HSD17B12: variants seen among roughly 807,000 people sequenced by gnomAD.
HSD17B12 encodes the protein very-long-chain 3-oxoacyl-CoA reductase.
In HSD17B12, 32 loss-of-function variants were observed where a neutral mutation model predicts 39.3. The ratio of observed to expected loss-of-function variants is 0.81; its 90% CI spans 0.61 to 1.09. The LOEUF is 1.09. HSD17B12 is among the 50% of genes least tolerant of loss of function. HSD17B12 has a pLI of 0.00. For synonymous variants in HSD17B12, 150 were observed against 146.7 expected (o/e 1.02, Z -0.16); for missense variants, 342 against 382.9 (o/e 0.89, Z 0.89).
chr11:43,771,759 G>A (rs890285093), intron 3 of HSD17B12, among the ~76,000 whole-genome samples: 8 of 152,032 alleles, frequency 5.3e-5, no homozygotes, highest in African/African-American at 9.7e-5. Flanking sequence ...GAGCCACTGC[G>A]CCTGGCCTCA....
At position 43,826,752 on chromosome 11, in the gene HSD17B12, CTAAGAA is replaced by C. The variant is rs140099311; in HGVS notation, c.502-4222_502-4217del. 3.9e-3 allele frequency among the ~76,000 whole-genome samples: 593 copies of C among 152,284 alleles called. 6 individuals carry two copies. The East Asian group carries it at 0.044, about 11-fold the overall frequency. On this transcript the variant is annotated intron_variant, in intron 6 of 10. Coordinates refer to ENST00000278353, the MANE Select transcript of HSD17B12 (RefSeq NM_016142.3). ...TTCTATTAGCTATACAGGTGAGATT[CTAAGAA>C]TTTCTAATTAAGTTGTGTTCTTTTT...
At chr11:43,652,844 G>C in the HSD17B12 span, among the ~76,000 whole-genome samples, 1 of 152,072 alleles carries the variant, frequency 6.6e-6, no homozygotes, top group African/African-American at 2.4e-5. Context: ...GGTTAGGCAT[G>C]ATGAGGACTG....
the HSD17B12 span, among the ~76,000 whole-genome samples, chr11:43,579,911 G>A: frequency 6.6e-6 from 1 of 152,116 alleles, no homozygotes; most frequent in African/African-American, 2.4e-5. Flanking sequence ...GTCGATTCCA[G>A]GGTGCCAAAG....
the HSD17B12 span, among the ~76,000 whole-genome samples, chr11:43,671,772 G>A: frequency 2.0e-5 from 3 of 152,206 alleles, no homozygotes; most frequent in African/African-American, 7.2e-5. Context: ...ACTTAGAAAT[G>A]TCAGTGAAAA....
chr11:43,628,572 C>G, the HSD17B12 span, among the ~76,000 whole-genome samples: 136 of 152,006 alleles, frequency 8.9e-4, no homozygotes, highest in African/African-American at 3.1e-3. Context: ...TGCATTATAG[C>G]CATGGCTAAA....
chr11:43,642,947 G>A, the HSD17B12 span, among the ~76,000 whole-genome samples: 28 of 151,838 alleles, frequency 1.8e-4, no homozygotes, highest in Admixed American at 5.9e-4. Flanking sequence ...ATATAATTTC[G>A]TAGAGTCTTA....
At chr11:43,755,086 G>A (rs1950497350) in intron 3 of HSD17B12, 1 of 393,712 alleles carries the variant, frequency 2.5e-6, no homozygotes, top group Admixed American at 4.5e-5. Context: ...CTTATTAAGA[G>A]TCAATTTGTG....
chr11:43,776,055 A>G (rs1950700128), intron 3 of HSD17B12, among the ~76,000 whole-genome samples: 5 of 152,294 alleles, frequency 3.3e-5, no homozygotes, highest in African/African-American at 1.2e-4. Flanking sequence ...GAATAATGAC[A>G]CAATAAACAT....
chr11:43,614,543 G>A, the HSD17B12 span, among the ~76,000 whole-genome samples: 2 of 152,150 alleles, frequency 1.3e-5, no homozygotes, highest in East Asian at 3.9e-4. Flanking sequence ...TGTTTCTTAA[G>A]GTTTGTAAGT....
intron 9 of HSD17B12, among the ~76,000 whole-genome samples, chr11:43,842,460 G>A (rs1951435850): frequency 6.6e-6 from 1 of 152,190 alleles, no homozygotes; most frequent in Non-Finnish European, 1.5e-5. Context: ...CTTCCCATAT[G>A]TATAGGTTTC....
intron 3 of HSD17B12, among the ~76,000 whole-genome samples, chr11:43,789,744 T>G (rs1004993769): frequency 9.2e-5 from 14 of 151,896 alleles, no homozygotes; most frequent in Non-Finnish European, 2.1e-4. Context: ...AGCCCAGGAG[T>G]TTGAGACCAG....
Position 43,855,589 on chromosome 11 carries a change from A to C in HSD17B12, c.*341A>C. ...ACTTGGCAGTTTTATCTGCTTCAAAATGCCATTGATCATTATTCCTGTATT... is the reference window on the plus strand; with the variant it reads ...ACTTGGCAGTTTTATCTGCTTCAAACTGCCATTGATCATTATTCCTGTATT... On this transcript the variant is annotated 3_prime_UTR_variant, in exon 11 of 11. Transcript: ENST00000278353. 1 of 156,312 alleles carries C rather than the reference A, an allele frequency of 6.4e-6. No individual in the cohort carries two copies. Among genetic ancestry groups the C allele is most frequent in the Non-Finnish European group, 1.4e-5 (1 of 70,888 alleles). The allele number at this position is 156,312 out of a possible 1,614,324, so 9.7% of individuals were successfully genotyped here. A position where few individuals can be genotyped will look rare whatever the true frequency, so the allele number is the denominator to read the frequency against.
intron 2 of HSD17B12, among the ~76,000 whole-genome samples, chr11:43,751,849 C>T (rs1457245902): frequency 6.6e-6 from 1 of 152,162 alleles, no homozygotes; most frequent in East Asian, 1.9e-4. Flanking sequence ...GATGAATCTT[C>T]TAAGAGCTAA....
At chr11:43,684,831 G>A (rs1053665243) in intron 1 of HSD17B12, among the ~76,000 whole-genome samples, 3 of 152,098 alleles carry the variant, frequency 2.0e-5, no homozygotes, top group African/African-American at 7.2e-5. Context: ...TAAAAGAAAT[G>A]CTGTACCCAT....
At chr11:43,680,138 C>T (rs1949726601), upstream of HSD17B12, among the ~76,000 whole-genome samples, 1 of 144,382 alleles carries the variant, frequency 6.9e-6, no homozygotes, top group Admixed American at 7.1e-5. Context: ...TGCAGTGGCG[C>T]GATCTCGGCT....
At chr11:43,620,316 T>C in the HSD17B12 span, among the ~76,000 whole-genome samples, 1 of 152,162 alleles carries the variant, frequency 6.6e-6, no homozygotes, top group Middle Eastern at 3.2e-3. Context: ...AAACTGAGGC[T>C]CAGAAAGACT....
At chr11:43,583,895 G>C in the HSD17B12 span, among the ~76,000 whole-genome samples, 2 of 152,130 alleles carry the variant, frequency 1.3e-5, no homozygotes, top group African/African-American at 4.8e-5. Context: ...TCGGAAGGCA[G>C]CTGGGGAAAC....
chr11:43,581,376 G>T, the HSD17B12 span: 1 of 500,518 alleles, frequency 2.0e-6, no homozygotes, highest in Non-Finnish European at 4.1e-6. The surrounding 1 kb of genome is among the most constrained non-coding windows in gnomAD (Gnocchi z 4.9). Flanking sequence ...GCGGCGAACC[G>T]AAGAAGCCGG....
intron 9 of HSD17B12, among the ~76,000 whole-genome samples, chr11:43,840,434 G>A (rs1045882866): frequency 6.6e-6 from 1 of 151,882 alleles, no homozygotes; most frequent in Non-Finnish European, 1.5e-5. Flanking sequence ...GCAGTTCAAT[G>A]GCATTAAGTA....
Sources: gnomAD v4.1 joint callset for allele counts (sites outside exome capture counted in the v4.1 genomes callset) on GRCh38, gnomAD v4.1.1 for gene constraint, Gnocchi (gnomAD v3.1) non-coding constraint, MANE v1.5 for transcripts, NCBI Gene and HGNC (gene_info 2026-07-23, HGNC 2026-07-21) for gene names.